DNAJC8: variants seen among roughly 807,000 people sequenced by gnomAD.
DNAJC8 encodes the protein DnaJ heat shock protein family (Hsp40) member C8.
A neutral mutation model predicts 43.2 loss-of-function variants in DNAJC8; 24 were observed. The ratio of observed to expected loss-of-function variants is 0.56; its 90% CI spans 0.40 to 0.78. The LOEUF is 0.78. DNAJC8 is among the 30% of genes least tolerant of loss of function. DNAJC8 has a pLI of 0.00. For synonymous variants in DNAJC8, 83 were observed against 98.0 expected (o/e 0.85, Z 0.90); for missense variants, 207 against 299.4 (o/e 0.69, Z 2.28).
At chr1:28,201,473 G>A (rs767812537) in intron 8 of DNAJC8, 103 bp from the exon 9 acceptor site, 20 of 1,540,472 alleles carry the variant, frequency 1.3e-5, no homozygotes, top group Non-Finnish European at 1.8e-5. Flanking sequence ...GCCCACTTCA[G>A]TCCTCTGGAA....
chr1:28,210,463 G>T, intron 4 of DNAJC8, 108 bp downstream of exon 4: 1 of 962,268 alleles, frequency 1.0e-6, no homozygotes, highest in Non-Finnish European at 1.6e-6. Context: ...CAGCTTCTTG[G>T]TGACCAGAAG....
At chr1:28,212,212 T>TAC (rs1306539737) in intron 3 of DNAJC8, among the ~76,000 whole-genome samples, 20 of 116,632 alleles carry the variant, frequency 1.7e-4, no homozygotes, top group Admixed American at 1.2e-3. Context: ...TATATATATA[T>TAC]ATAAATGAAA....
Sources: allele counts gnomAD v4.1 joint callset (sites outside exome capture counted in the v4.1 genomes callset), GRCh38; gene constraint gnomAD v4.1.1; transcripts MANE v1.5; gene names NCBI Gene and HGNC (gene_info 2026-07-23, HGNC 2026-07-21).